The following ACCSL variants were observed in gnomAD, a reference collection of about 807,000 sequenced individuals.
ACCSL encodes the protein probable inactive 1-aminocyclopropane-1-carboxylate synthase-like protein 2.
Under a neutral mutation model 61.7 loss-of-function variants are expected in ACCSL, and 55 were observed. That is an observed-to-expected ratio of 0.89 (90% CI 0.72 to 1.12). The LOEUF is 1.12. ACCSL is among the 50% of genes most tolerant of loss of function. The probability of loss-of-function intolerance (pLI) is 0.00; values close to 1 mark genes in which losing one functional copy is unlikely to be tolerated. For synonymous variants in ACCSL, 258 were observed against 264.3 expected (o/e 0.98, Z 0.23); for missense variants, 632 against 698.0 (o/e 0.91, Z 1.07).
the ACCSL span, among the ~76,000 whole-genome samples, chr11:43,946,546 T>C: frequency 6.6e-6 from 1 of 152,212 alleles, no homozygotes; most frequent in South Asian, 2.1e-4. Context: ...GCATGTTTAT[T>C]TTCTTTTACC....
the ACCSL span, chr11:43,943,757 C>A: frequency 7.7e-7 from 1 of 1,304,346 alleles, no homozygotes; most frequent in South Asian, 1.2e-5. The surrounding 1 kb of genome is among the most constrained non-coding windows in gnomAD (Gnocchi z 4.8). Context: ...GCTACTGCGT[C>A]TGGAGGATTG....
chr11:43,990,810 A>T, the ACCSL span, among the ~76,000 whole-genome samples: 1 of 152,096 alleles, frequency 6.6e-6, no homozygotes, highest in Non-Finnish European at 1.5e-5. Flanking sequence ...CGTGGCTCAC[A>T]CCGTAATCAC....
the ACCSL span, among the ~76,000 whole-genome samples, chr11:44,019,250 G>A: frequency 2.0e-5 from 3 of 152,220 alleles, no homozygotes; most frequent in South Asian, 6.2e-4. Flanking sequence ...ATGTGTACAA[G>A]TGTTTGCCTG....
the ACCSL span, among the ~76,000 whole-genome samples, chr11:43,988,537 C>T: frequency 1.3e-5 from 2 of 151,514 alleles, no homozygotes; most frequent in African/African-American, 4.9e-5. Flanking sequence ...AGTCATTTTG[C>T]CAGCACACAG....
At chr11:43,968,703 C>T in the ACCSL span, among the ~76,000 whole-genome samples, 1 of 152,062 alleles carries the variant, frequency 6.6e-6, no homozygotes, top group Non-Finnish European at 1.5e-5. Flanking sequence ...ATGCTTTTAC[C>T]CTCAACTTAG....
the ACCSL span, chr11:44,001,222 G>A: frequency 5.3e-5 from 8 of 152,020 alleles, no homozygotes; most frequent in East Asian, 9.7e-4. Context: ...GGTGGAAACC[G>A]GGAACAATTT....
the ACCSL span, among the ~76,000 whole-genome samples, chr11:44,019,062 C>CT: frequency 1.3e-5 from 2 of 152,134 alleles, no homozygotes; most frequent in Non-Finnish European, 2.9e-5. Flanking sequence ...AATGTGTGGT[C>CT]TTTTGTGGCT....
At chr11:43,929,864 C>T in the ACCSL span, among the ~76,000 whole-genome samples, 57 of 152,208 alleles carry the variant, frequency 3.7e-4, no homozygotes, top group East Asian at 9.7e-3. Context: ...GGGCTTTGGG[C>T]AGGTCTTACA....
the ACCSL span, among the ~76,000 whole-genome samples, chr11:43,979,838 C>T: frequency 7.9e-6 from 1 of 127,208 alleles, no homozygotes; most frequent in East Asian, 2.2e-4. Context: ...CAAAGCAAGA[C>T]TCTGTCTCAA....
the ACCSL span, among the ~76,000 whole-genome samples, chr11:44,014,870 G>C: frequency 6.6e-6 from 1 of 152,208 alleles, no homozygotes; most frequent in Non-Finnish European, 1.5e-5. Context: ...AGCGCTCTCC[G>C]AGCCTGGGCT....
chr11:43,973,572 C>G, the ACCSL span, among the ~76,000 whole-genome samples: 6 of 152,184 alleles, frequency 3.9e-5, no homozygotes, highest in Admixed American at 3.9e-4. Flanking sequence ...TTGGCCTGCT[C>G]TCAACCCTTG....
chr11:44,001,775 CTGTG>C, the ACCSL span, among the ~76,000 whole-genome samples: 9,570 of 96,468 alleles, frequency 0.099, 498 homozygotes, highest in Non-Finnish European at 0.12. Context: ...GGTAAAGGGG[CTGTG>C]TGTGTGTGTG....
the ACCSL span, among the ~76,000 whole-genome samples, chr11:43,939,521 C>G: frequency 0.25 from 37,792 of 152,004 alleles, 5,424 homozygotes; most frequent in African/African-American, 0.38. Context: ...AACGGCCCCC[C>G]CTCCCCACCC....
rs1218820680 is a variant in ACCSL at position 44,048,057 on chromosome 11, C to T, written c.21C>T (p.Thr7=). 6.2e-7 allele frequency: 1 copy of T among 1,611,634 alleles called. No homozygotes were observed. Among genetic ancestry groups the T allele is most frequent in the Non-Finnish European group, 8.5e-7 (1 of 1,177,954 alleles). ...GGAGTATGAGTCATCGGTCAGACAC[C>T]CTTCCTGTGCCCTCTGGTCAGAGGA... MSHRSD[T]LPVPSGQRRG... Residue 7 remains threonine (T), a synonymous_variant, in exon 1 of 14, where the codon ACC becomes ACT. Transcript: ENST00000378832.
intron 8 of ACCSL, among the ~76,000 whole-genome samples, chr11:44,053,770 G>T (rs1952654329): frequency 6.6e-6 from 1 of 152,178 alleles, no homozygotes; most frequent in African/African-American, 2.4e-5. Flanking sequence ...GCTGAGACAT[G>T]AGAATTGCTT....
At chr11:44,032,127 T>C in the ACCSL span, among the ~76,000 whole-genome samples, 1 of 152,274 alleles carries the variant, frequency 6.6e-6, no homozygotes, top group Non-Finnish European at 1.5e-5. Context: ...ATTCTGTTGC[T>C]GAATGGGACT....
At chr11:43,930,312 C>A in the ACCSL span, among the ~76,000 whole-genome samples, 3 of 152,154 alleles carry the variant, frequency 2.0e-5, no homozygotes, top group Admixed American at 6.5e-5. Context: ...GTTTTCCCAT[C>A]TGTAAAATGT....
chr11:43,932,147 C>T, the ACCSL span, among the ~76,000 whole-genome samples: 22 of 152,246 alleles, frequency 1.4e-4, no homozygotes, highest in Admixed American at 2.6e-4. Flanking sequence ...TGTGTGGCCT[C>T]ATTTTATCTC....
intron 8 of ACCSL, among the ~76,000 whole-genome samples, 171 bp from the exon 9 acceptor site, chr11:44,055,031 C>T (rs1284079216): frequency 6.6e-6 from 1 of 152,168 alleles, no homozygotes; most frequent in Non-Finnish European, 1.5e-5. Context: ...CCTTACTATG[C>T]CCCTTGGAGG....
Sources: gnomAD v4.1 joint callset for allele counts (sites outside exome capture counted in the v4.1 genomes callset) on GRCh38, gnomAD v4.1.1 for gene constraint, Gnocchi (gnomAD v3.1) non-coding constraint, MANE v1.5 for transcripts, NCBI Gene and HGNC (gene_info 2026-07-23, HGNC 2026-07-21) for gene names.